The following VAV2 variants were observed in gnomAD, a reference collection of about 807,000 sequenced individuals.
VAV2 encodes vav guanine nucleotide exchange factor 2, also known as guanine nucleotide exchange factor VAV2.
In VAV2, 67 loss-of-function variants were observed where a neutral mutation model predicts 132.5. That is an observed-to-expected ratio of 0.51 (90% CI 0.42 to 0.62). The LOEUF is 0.62. VAV2 is among the 20% of genes least tolerant of loss of function. The pLI, the probability that VAV2 is intolerant of heterozygous loss-of-function variation, is 0.00. For missense variants in VAV2, 938 were observed against 1,153.6 expected, an observed-to-expected ratio of 0.81 and a Z score of 2.71; for synonymous variants, 492 against 443.5, an observed-to-expected ratio of 1.11 and a Z score of -1.37.
At chr9:133,869,049 T>A (rs1294052192) in intron 2 of VAV2, among the ~76,000 whole-genome samples, 2 of 150,824 alleles carry the variant, frequency 1.3e-5, no homozygotes, top group African/African-American at 4.9e-5. Context: ...CAGGCTGGAG[T>A]GCAGTGGCAC....
chr9:133,868,514 G>A lies in VAV2; in HGVS notation c.322-7082C>T, dbSNP rs529063457. ...ATGAGACGGAGCCTGGCCCAAAGCA[G>A]GGACTCGCGCACAGCTTGCGGAAAG... On this transcript the variant is annotated intron_variant, in intron 2 of 29. Coordinates refer to ENST00000371850, the MANE Select transcript of VAV2 (RefSeq NM_001134398.2). 2.6e-5 allele frequency among the ~76,000 whole-genome samples: 4 copies of A among 152,354 alleles called. No individual in the cohort carries two copies. In the East Asian group the frequency reaches 7.7e-4, roughly 29 times the overall value.
At chr9:133,821,512 C>G (rs1299147909) in intron 4 of VAV2, among the ~76,000 whole-genome samples, 1 of 152,148 alleles carries the variant, frequency 6.6e-6, no homozygotes, top group Non-Finnish European at 1.5e-5. Flanking sequence ...AGAGGCTGAG[C>G]ATACAGTAGG....
Position 133,833,390 on chromosome 9 carries a change from G to A in VAV2, c.449+882C>T, listed in dbSNP as rs549467451. ...TCTCAGTCTGTGCTCTAAAACGAAG[G>A]GAGAGAGAAACACTAAGAGTCTTCC... is the stretch of plus-strand genomic sequence containing the variant. On this transcript the variant is annotated intron_variant, in intron 4 of 29. Coordinates refer to ENST00000371850, the MANE Select transcript of VAV2 (RefSeq NM_001134398.2). The surrounding 1 kb of genome is among the most constrained non-coding windows in gnomAD (Gnocchi z 5.6). Among the ~76,000 whole-genome samples the A allele has an allele frequency of 3.9e-5, 6 of 152,126 alleles. No homozygotes were observed. The highest frequency in any genetic ancestry group is 1.4e-4 in the African/African-American group (6 of 41,426).
intron 2 of VAV2, among the ~76,000 whole-genome samples, chr9:133,932,368 C>G (rs527510276): frequency 7.2e-5 from 11 of 152,336 alleles, no homozygotes; most frequent in Non-Finnish European, 1.0e-4. Flanking sequence ...GGCCCCAGCA[C>G]GCCCACCCCG....
chr9:133,776,063 C>T lies in VAV2; in HGVS notation c.1983G>A (p.Pro661=), dbSNP rs1171482530. 33 of 1,612,924 alleles carry T rather than the reference C, an allele frequency of 2.0e-5. 1 individual carries two copies. The highest frequency in any genetic ancestry group is 4.4e-5 in the South Asian group (4 of 90,976). ...PVDGRPPISR[P]PSREIDYTAY... ...CAGTGTAGTCGATCTCCCGGGATGG[C>T]GGCCGGCTGATGGGCGGCTGGTGGC... Residue 661 remains proline, a synonymous_variant, in exon 24 of 30, where the codon CCG becomes CCA. Coordinates refer to ENST00000371850, the MANE Select transcript of VAV2 (RefSeq NM_001134398.2).
intron 1 of VAV2, among the ~76,000 whole-genome samples, chr9:133,985,226 T>G (rs964566740): frequency 3.6e-5 from 5 of 137,154 alleles, no homozygotes; most frequent in Non-Finnish European, 7.8e-5. Context: ...TCTTGCCTTA[T>G]TGTGTGTGTG....
intron 1 of VAV2, among the ~76,000 whole-genome samples, chr9:133,959,459 C>T (rs1207783277): frequency 6.6e-6 from 1 of 152,194 alleles, no homozygotes; most frequent in East Asian, 1.9e-4. Flanking sequence ...CTTTCACACC[C>T]CATTCTGCTG....
At chr9:133,878,168 A>G (rs1021257419) in intron 2 of VAV2, among the ~76,000 whole-genome samples, 27 of 152,152 alleles carry the variant, frequency 1.8e-4, no homozygotes, top group African/African-American at 6.5e-4. Context: ...CGTCTCACAG[A>G]TGCTCCGGGT....
At chr9:133,810,133 A>G in intron 6 of VAV2, 58 bp downstream of exon 6, 1 of 1,610,658 alleles carries the variant, frequency 6.2e-7, no homozygotes, top group Non-Finnish European at 8.5e-7. Context: ...ACCTCCCTGA[A>G]AGGTCAAGAA....
intron 25 of VAV2, among the ~76,000 whole-genome samples, chr9:133,772,503 C>T (rs540781159): frequency 2.6e-5 from 4 of 152,276 alleles, no homozygotes; most frequent in South Asian, 2.1e-4. Flanking sequence ...GCCTCGGCAC[C>T]GGCTGCTGCC....
At chr9:133,943,347 G>A (rs540402782) in intron 1 of VAV2, among the ~76,000 whole-genome samples, 10 of 152,314 alleles carry the variant, frequency 6.6e-5, no homozygotes, top group East Asian at 1.9e-4. Flanking sequence ...GACACAGGCC[G>A]AGGGACAGTG....
rs58155949 is a variant in VAV2, at chr9:133,802,323, TACACAC to T, written c.836+3752_836+3757del. Among the ~76,000 whole-genome samples, 7,319 of 142,180 alleles carry T rather than the reference TACACAC, an allele frequency of 0.051. 588 individuals carry two copies. The highest frequency in any genetic ancestry group is 0.18 in the African/African-American group (6,831 of 38,494). The allele number at this position is 142,180 out of a possible 152,430, so 93.3% of individuals were successfully genotyped here. Reference sequence around the variant, plus strand: ...GCACACAAACACACAAGCACGCGTGTACACACACACACACACACACACACACACACA... The same window carrying T: ...GCACACAAACACACAAGCACGCGTGTACACACACACACACACACACACACA... On this transcript the variant is annotated intron_variant, in intron 9 of 29. Transcript: ENST00000371850. This position sits in a 1 kb window ranked among gnomAD's most constrained non-coding sequence, Gnocchi z 5.8.
chr9:133,917,964 C>A (rs911929860), intron 2 of VAV2, among the ~76,000 whole-genome samples: 2 of 151,826 alleles, frequency 1.3e-5, no homozygotes, highest in African/African-American at 2.4e-5. Flanking sequence ...CGGCCCATCG[C>A]CACTTCCACG....
At position 133,991,585 on chromosome 9, in the gene VAV2, G is replaced by A. The variant is rs1351876875; in HGVS notation, c.204+490C>T. 6.6e-6 allele frequency among the ~76,000 whole-genome samples: 1 copy of A among 151,598 alleles called. No individual in the cohort carries two copies. The highest frequency in any genetic ancestry group is 1.9e-4 in the East Asian group (1 of 5,138). On this transcript the variant is annotated intron_variant, in intron 1 of 29. Transcript: ENST00000371850. The surrounding 1 kb of genome is among the most constrained non-coding windows in gnomAD (Gnocchi z 4.8). ...CCAACCCAGCTCCCTCCGGCCCCGA[G>A]GGCTCCCGCCCCGCGCCCCTCCCGG...
chr9:133,800,350 A>G (rs1834882435), intron 9 of VAV2, among the ~76,000 whole-genome samples: 1 of 152,216 alleles, frequency 6.6e-6, no homozygotes. Flanking sequence ...CAAGGCTTTC[A>G]GAGCTTCCCA....
intron 1 of VAV2, among the ~76,000 whole-genome samples, chr9:133,956,800 C>T (rs1486064576): frequency 6.6e-6 from 1 of 152,192 alleles, no homozygotes; most frequent in Non-Finnish European, 1.5e-5. Context: ...CCGCCCCCAC[C>T]CAGGCGGGAG....
At chr9:133,920,096 G>A (rs796621214) in intron 2 of VAV2, among the ~76,000 whole-genome samples, 4 of 152,284 alleles carry the variant, frequency 2.6e-5, no homozygotes, top group African/African-American at 9.6e-5. Context: ...ACCGCACACC[G>A]AGAACCAGGC....
At chr9:133,965,675 G>A (rs1041130452) in intron 1 of VAV2, among the ~76,000 whole-genome samples, 3 of 152,052 alleles carry the variant, frequency 2.0e-5, no homozygotes, top group South Asian at 2.1e-4. Flanking sequence ...TCATGCATTC[G>A]AAGAATTAAT....
intron 2 of VAV2, among the ~76,000 whole-genome samples, chr9:133,915,290 G>A (rs1042200821): frequency 1.3e-5 from 2 of 152,132 alleles, no homozygotes; most frequent in South Asian, 4.1e-4. Flanking sequence ...GTGATCACGT[G>A]GTTTCACGAC....
Sources: allele counts gnomAD v4.1 joint callset (sites outside exome capture counted in the v4.1 genomes callset), GRCh38; gene constraint gnomAD v4.1.1; non-coding constraint Gnocchi (gnomAD v3.1); transcripts MANE v1.5; gene names NCBI Gene and HGNC (gene_info 2026-07-23, HGNC 2026-07-21).